Variants in STARD9 observed in about 807,000 individuals in gnomAD.
The protein encoded by STARD9 is StAR related lipid transfer domain containing 9.
STARD9 carries 346 observed loss-of-function variants against 399.8 expected under a neutral mutation model. The ratio of observed to expected loss-of-function variants is 0.87; its 90% confidence interval spans 0.79 to 0.95. The LOEUF is 0.95. Among genes scored for constraint, STARD9 ranks in the 40% least tolerant of loss-of-function variants. STARD9 has a pLI of 0.00. For missense variants in STARD9, 5,832 were observed against 5,667.5 expected, an observed-to-expected ratio of 1.03 and a Z score of -0.93; for synonymous variants, 2,203 against 2,143.5, an observed-to-expected ratio of 1.03 and a Z score of -0.77.
At chr15:42,618,580 G>C (rs1405407631) in intron 3 of STARD9, among the ~76,000 whole-genome samples, 4 of 151,858 alleles carry the variant, frequency 2.6e-5, no homozygotes, top group Admixed American at 1.3e-4. Flanking sequence ...TGAAAAAAAA[G>C]TTGTCTTTTT....
At chr15:42,676,310 G>A (rs2060310997) in intron 20 of STARD9, among the ~76,000 whole-genome samples, 1 of 152,082 alleles carries the variant, frequency 6.6e-6, no homozygotes, top group African/African-American at 2.4e-5. Flanking sequence ...TCTTTGTTCT[G>A]AGCTTACCTT....
In STARD9 at chr15:42,692,976, C is replaced by T; in HGVS notation, c.11398C>T (p.Leu3800Phe). Residue 3800 changes from leucine to phenylalanine, a missense_variant, in exon 23 of 33, where the codon CTT becomes TTT. Leu to Phe is a conservative substitution (Grantham distance 22). This residue lies in a region of STARD9 where 5,828 missense variants were observed against 5,651.1 expected (regional missense o/e 1.03). Transcript: ENST00000290607. ...TAQKMAQLLY[L>F]QEESTPYKPQ... ...ACAGAAAATGGCTCAGCTCCTCTAT[C>T]TTCAGGAAGAAAGCACTCCCTACAA... 1 of 1,537,230 alleles carries T rather than the reference C, an allele frequency of 6.5e-7. No homozygotes were observed. The highest frequency in any genetic ancestry group is 8.7e-7 in the Non-Finnish European group (1 of 1,146,912).
chr15:42,622,058 C>G (rs922061557), intron 3 of STARD9, among the ~76,000 whole-genome samples: 7 of 152,080 alleles, frequency 4.6e-5, no homozygotes, highest in Admixed American at 4.6e-4. Flanking sequence ...GTTTCCTTGA[C>G]TCTACATTAA....
chr15:42,601,286 A>G (rs1251238841), intron 3 of STARD9, among the ~76,000 whole-genome samples: 1 of 152,130 alleles, frequency 6.6e-6, no homozygotes, highest in African/African-American at 2.4e-5. Context: ...ACACAGTAAC[A>G]GTCTGATCTC....
At chr15:42,594,655 C>T (rs2058468803) in intron 3 of STARD9, among the ~76,000 whole-genome samples, 1 of 152,020 alleles carries the variant, frequency 6.6e-6, no homozygotes, top group African/African-American at 2.4e-5. Context: ...TGTTTGTTTT[C>T]TTTTTGGCCA....
At chr15:42,646,045 C>T (rs1228944224) in intron 7 of STARD9, among the ~76,000 whole-genome samples, 1 of 152,024 alleles carries the variant, frequency 6.6e-6, no homozygotes, top group African/African-American at 2.4e-5. Flanking sequence ...CCTGTAATTC[C>T]AGCTACTCGG....
At chr15:42,597,976 G>A (rs992749550) in intron 3 of STARD9, among the ~76,000 whole-genome samples, 2 of 142,864 alleles carry the variant, frequency 1.4e-5, no homozygotes, top group Non-Finnish European at 3.0e-5. Flanking sequence ...CAGCCTGTGT[G>A]TGTGTGTGTG....
chr15:42,709,610 G>A (rs998205820), intron 26 of STARD9, among the ~76,000 whole-genome samples: 13 of 152,178 alleles, frequency 8.5e-5, no homozygotes, highest in African/African-American at 2.4e-4. Context: ...GTTTGAACCC[G>A]GGAGGCGGGG....
At position 42,685,252 on chromosome 15, in the gene STARD9, G is replaced by T. The variant is rs762230927; in HGVS notation, c.3674G>T (p.Gly1225Val). ...GATCAGCAAGAAGAACCTTTCCCTG[G>T]TTCAGCTGACGAGATACCCACAGAG... is the stretch of plus-strand genomic sequence containing the variant. Reference protein sequence around the residue: ...GEDQQEEPFPGSADEIPTETF... With the variant: ...GEDQQEEPFPVSADEIPTETF... Residue 1225 changes from glycine (G) to valine (V), a missense_variant, in exon 23 of 33, where the codon GGT becomes GTT. By Grantham distance (109) the Gly-to-Val change is moderately radical. Transcript: ENST00000290607. 3.9e-6 allele frequency: 6 copies of T among 1,537,436 alleles called. No individual in the cohort carries two copies. The highest frequency in any genetic ancestry group is 4.4e-6 in the Non-Finnish European group (5 of 1,146,968).
intron 16 of STARD9, 31 bp downstream of exon 16, chr15:42,669,368 A>G: frequency 6.8e-7 from 1 of 1,475,708 alleles, no homozygotes; most frequent in South Asian, 1.3e-5. Context: ...TTTTCTTCCT[A>G]AGCCACTGGT....
intron 3 of STARD9, among the ~76,000 whole-genome samples, chr15:42,609,821 G>A (rs576235102): frequency 3.9e-5 from 6 of 152,206 alleles, no homozygotes; most frequent in African/African-American, 1.2e-4. Flanking sequence ...GGCTGGGTGT[G>A]GTGGCTCATG....
chr15:42,637,992 C>G, intron 5 of STARD9, 34 bp from the exon 6 acceptor site: 1 of 1,537,244 alleles, frequency 6.5e-7, no homozygotes, highest in Non-Finnish European at 8.7e-7. Flanking sequence ...TCTACAATTC[C>G]TACAATGAAA....
At position 42,691,013 on chromosome 15, in the gene STARD9, T is replaced by C. The variant is rs911430671; in HGVS notation, c.9435T>C (p.Asp3145=). 3.3e-6 allele frequency: 5 copies of C among 1,537,034 alleles called. No individual in the cohort carries two copies. The highest frequency in any genetic ancestry group is 3.5e-6 in the Non-Finnish European group (4 of 1,146,902). The change falls in exon 23 of 33, where the codon GAT becomes GAC. Residue 3145 remains aspartate, a synonymous_variant. Coordinates refer to ENST00000290607, the MANE Select transcript of STARD9 (RefSeq NM_020759.3). ...CAACTCAGGGACCACACACCCTGGA[T>C]TTAAGTGAAGGGTCTGCTGAGAGCA... ...PATTQGPHTL[D]LSEGSAESKL... is the part of the protein sequence containing the mutation.
intron 3 of STARD9, among the ~76,000 whole-genome samples, chr15:42,598,136 A>G (rs570232657): frequency 3.5e-4 from 53 of 151,252 alleles, no homozygotes; most frequent in African/African-American, 1.3e-3. Context: ...AGTTCACGCC[A>G]TTCTCCTGCC....
In STARD9 at chr15:42,685,941, G is replaced by A; in HGVS notation, c.4363G>A (p.Glu1455Lys). The change falls in exon 23 of 33, where the codon GAA becomes AAA. Residue 1455 changes from glutamate to lysine, a missense_variant. By Grantham distance (56) the Glu-to-Lys change is moderately conservative. Coordinates refer to ENST00000290607, the MANE Select transcript of STARD9 (RefSeq NM_020759.3). ...IPDMTQQGSS[E>K]ASHNSSVSNV... ...TGACATGACCCAGCAGGGCAGCTCT[G>A]AAGCATCCCACAATTCTAGCGTATC... 1 of 1,537,194 alleles carries A rather than the reference G, an allele frequency of 6.5e-7. No individual in the cohort carries two copies. Among genetic ancestry groups the A allele is most frequent in the Non-Finnish European group, 8.7e-7 (1 of 1,146,914 alleles).
rs953600208 is a variant in STARD9, at chr15:42,693,948, A to G, written c.12370A>G (p.Met4124Val). The change falls in exon 23 of 33, where the codon ATG (methionine) becomes GTG (valine). Residue 4124 changes from methionine (M) to valine (V), a missense_variant. This residue lies in a region of STARD9 where 5,828 missense variants were observed against 5,651.1 expected (regional missense o/e 1.03). Coordinates refer to ENST00000290607, the MANE Select transcript of STARD9 (RefSeq NM_020759.3). The part of the protein sequence containing the change: ...ELLCFSCQMC[M>V]APEHQHHSLR... Reference sequence around the variant, plus strand: ...ACTGTGCTTCAGTTGCCAGATGTGCATGGCCCCTGAGCACCAGCACCACAG... The same window carrying G: ...ACTGTGCTTCAGTTGCCAGATGTGCGTGGCCCCTGAGCACCAGCACCACAG... 1.4e-5 allele frequency: 21 copies of G among 1,504,484 alleles called. No individual in the cohort carries two copies. The Admixed American group carries it at 3.3e-4, about 24-fold the overall frequency. 93.2% of individuals were successfully genotyped at this position (1,504,484 alleles called of 1,614,324 possible). A position where few individuals can be genotyped will look rare whatever the true frequency, so the allele number is the denominator to read the frequency against.
intron 3 of STARD9, among the ~76,000 whole-genome samples, chr15:42,618,366 C>T (rs1469664508): frequency 6.6e-6 from 1 of 151,928 alleles, no homozygotes; most frequent in African/African-American, 2.4e-5. Flanking sequence ...CTCCTGTGCT[C>T]AAGTGATCCT....
intron 1 of STARD9, among the ~76,000 whole-genome samples, chr15:42,578,386 G>A (rs1393751442): frequency 6.6e-6 from 1 of 152,128 alleles, no homozygotes; most frequent in Non-Finnish European, 1.5e-5. Context: ...ATAGGCATGA[G>A]CCACCACGCC....
Position 42,687,432 on chromosome 15 carries a change from G to C in STARD9, c.5854G>C (p.Val1952Leu). The C allele has an allele frequency of 6.5e-7, 1 of 1,537,158 alleles. No homozygotes were observed. The highest frequency in any genetic ancestry group is 1.2e-5 in the South Asian group (1 of 84,066). ...TGCTGTTTCTTTGAAATCCAGATCAGTAGATCGTAGAGTAAGCAGCCCAGT... is the reference window on the plus strand; with the variant it reads ...TGCTGTTTCTTTGAAATCCAGATCACTAGATCGTAGAGTAAGCAGCCCAGT... ...ESAVSLKSRS[V>L]DRRVSSPVMV... is the part of the protein sequence containing the mutation. The change falls in exon 23 of 33, where the codon GTA becomes CTA. Residue 1952 changes from valine (V) to leucine (L), a missense_variant. By Grantham distance (32) the Val-to-Leu change is conservative (BLOSUM62 1). Coordinates refer to ENST00000290607, the MANE Select transcript of STARD9 (RefSeq NM_020759.3).
Sources: allele counts gnomAD v4.1 joint callset (sites outside exome capture counted in the v4.1 genomes callset), GRCh38; gene constraint gnomAD v4.1.1; regional missense constraint gnomAD v4.1.1; transcripts MANE v1.5; gene names NCBI Gene and HGNC (gene_info 2026-07-23, HGNC 2026-07-21).